The following TSNAX variants were observed in gnomAD, a reference collection of about 807,000 sequenced individuals.
The protein encoded by TSNAX is translin associated factor X.
TSNAX carries 12 observed loss-of-function variants against 33.0 expected under a neutral mutation model. The observed-to-expected ratio is 0.36, with a 90% CI of 0.23 to 0.59. The LOEUF (loss-of-function observed/expected upper bound fraction) is 0.59, where lower values mean the gene tolerates loss of function less well. TSNAX is among the 20% of genes least tolerant of loss of function. TSNAX has a pLI of 0.74. For missense variants in TSNAX, 267 were observed against 341.3 expected, an observed-to-expected ratio of 0.78 and a Z score of 1.72; for synonymous variants, 110 against 117.2, an observed-to-expected ratio of 0.94 and a Z score of 0.40.
intron 4 of TSNAX, among the ~76,000 whole-genome samples, chr1:231,546,959 A>C (rs1659956796): frequency 6.6e-6 from 1 of 152,206 alleles, no homozygotes; most frequent in Non-Finnish European, 1.5e-5. Flanking sequence ...TTTGTTGGCT[A>C]GTCACATGGC....
intron 2 of TSNAX, among the ~76,000 whole-genome samples, chr1:231,531,931 C>G (rs1005554075): frequency 6.6e-6 from 1 of 151,812 alleles, no homozygotes; most frequent in Non-Finnish European, 1.5e-5. Context: ...TGACAGCATG[C>G]GCCTGTAGTA....
chr1:231,541,878 C>A (rs1457496165), intron 3 of TSNAX, among the ~76,000 whole-genome samples: 1 of 152,164 alleles, frequency 6.6e-6, no homozygotes, highest in Non-Finnish European at 1.5e-5. Context: ...TTCTATAAAT[C>A]TCTGAAGCTC....
chr1:231,542,170 G>A (rs149966791), intron 3 of TSNAX, among the ~76,000 whole-genome samples: 60 of 152,206 alleles, frequency 3.9e-4, no homozygotes, highest in African/African-American at 1.3e-3. Context: ...CTTTTTAGTT[G>A]TTTAAGGAGG....
rs1165149499 is a variant in TSNAX, at chr1:231,548,556, G to A, written c.367+5945G>A. 2.6e-5 allele frequency among the ~76,000 whole-genome samples: 4 copies of A among 152,222 alleles called. No homozygotes were observed. In the East Asian group the frequency reaches 7.7e-4, roughly 29 times the overall value. ...TAGCAGTGGGAATAGAGAGGAATGG[G>A]CATGTTTTTAGAAGACAGTTTATTT... On this transcript the variant is annotated intron_variant, in intron 4 of 5. Transcript: ENST00000366639.
chr1:231,561,213 A>T lies in TSNAX; in HGVS notation c.453A>T (p.Gln151His). ...SLISMDEINK[Q>H]LIFTTEDNGK... The stretch of plus-strand genomic sequence containing the variant: ...TTAGTATGGATGAAATTAATAAACA[A>T]TTGATATTTACGACTGAAGACAATG... Residue 151 changes from glutamine (Q) to histidine (H), a missense_variant, in exon 5 of 6, where the codon CAA becomes CAT. Physicochemically the swap from Gln to His is conservative, Grantham distance 24. This residue lies in a region of TSNAX where 200 missense variants were observed against 214.1 expected (regional missense o/e 0.93). Transcript: ENST00000366639. The T allele has an allele frequency of 1.3e-6, 2 of 1,584,802 alleles. No homozygotes were observed. Among genetic ancestry groups the T allele is most frequent in the Non-Finnish European group, 1.7e-6 (2 of 1,157,454 alleles).
intron 2 of TSNAX, among the ~76,000 whole-genome samples, chr1:231,532,885 C>T (rs1035972486): frequency 6.6e-6 from 1 of 152,132 alleles, no homozygotes; most frequent in Non-Finnish European, 1.5e-5. Flanking sequence ...TGCTTTCTTA[C>T]ATATAGAGAC....
At chr1:231,531,931 C>T (rs1005554075) in intron 2 of TSNAX, among the ~76,000 whole-genome samples, 10 of 151,812 alleles carry the variant, frequency 6.6e-5, no homozygotes, top group Non-Finnish European at 1.5e-4. Flanking sequence ...TGACAGCATG[C>T]GCCTGTAGTA....
chr1:231,542,715 T>C, intron 4 of TSNAX, 104 bp downstream of exon 4: 1 of 1,326,256 alleles, frequency 7.5e-7, no homozygotes, highest in Admixed American at 2.4e-5. Context: ...GAAATAATAA[T>C]ACTGGCTTTT....
At chr1:231,549,982 A>T (rs1660192988) in intron 4 of TSNAX, among the ~76,000 whole-genome samples, 1 of 152,180 alleles carries the variant, frequency 6.6e-6, no homozygotes, top group African/African-American at 2.4e-5. Context: ...TGACATGCAG[A>T]TGGCTATCTT....
chr1:231,540,459 AGAC>A (rs1158979819), intron 3 of TSNAX, among the ~76,000 whole-genome samples: 1 of 152,220 alleles, frequency 6.6e-6, no homozygotes, highest in Non-Finnish European at 1.5e-5. Flanking sequence ...GGAGTTTTCC[AGAC>A]GACTTTCTGA....
intron 2 of TSNAX, among the ~76,000 whole-genome samples, chr1:231,532,157 C>CACACACACACACACACACACAT (rs1658780107): frequency 5.6e-5 from 5 of 88,540 alleles, no homozygotes; most frequent in African/African-American, 1.9e-4. Context: ...CACACACACA[C>CACACACACACACACACACACAT]ACACACACAC....
At chr1:231,561,495 A>G (rs1051602628) in intron 5 of TSNAX, among the ~76,000 whole-genome samples, 9 of 152,322 alleles carry the variant, frequency 5.9e-5, no homozygotes, top group Non-Finnish European at 1.3e-4. Flanking sequence ...TGGAGTGCTT[A>G]CTGTAAGTCC....
chr1:231,557,092 C>T (rs1660743766), intron 4 of TSNAX, among the ~76,000 whole-genome samples: 1 of 151,970 alleles, frequency 6.6e-6, no homozygotes, highest in Non-Finnish European at 1.5e-5. Context: ...CTTGAGAGAA[C>T]CAGGTTTGGA....
intron 4 of TSNAX, among the ~76,000 whole-genome samples, chr1:231,549,867 C>T (rs960030832): frequency 1.1e-4 from 17 of 152,184 alleles, no homozygotes; most frequent in Non-Finnish European, 1.8e-4. Context: ...TAAAATACCA[C>T]AGACTGGGTG....
intron 3 of TSNAX, among the ~76,000 whole-genome samples, chr1:231,540,882 C>T (rs951974993): frequency 2.0e-5 from 3 of 152,160 alleles, no homozygotes; most frequent in African/African-American, 7.2e-5. Context: ...GATGGTATCC[C>T]TGGATATAGG....
Position 231,561,142 on chromosome 1 carries a change from G to T in TSNAX, c.382G>T (p.Val128Leu). The change falls in exon 5 of 6, where the codon GTG becomes TTG. Residue 128 changes from valine to leucine, a missense_variant. Coordinates refer to ENST00000366639, the MANE Select transcript of TSNAX (RefSeq NM_005999.3). ...RAITTGLQEY[V>L]EAVSFQHFIK... ...CACGCTTTCAGGACTACAGGAATAT[G>T]TGGAAGCTGTCTCTTTTCAACACTT... 6.2e-7 allele frequency: 1 copy of T among 1,610,476 alleles called. No individual in the cohort carries two copies.
intron 4 of TSNAX, among the ~76,000 whole-genome samples, chr1:231,548,072 A>G (rs1244635744): frequency 2.0e-5 from 3 of 151,874 alleles, no homozygotes; most frequent in Admixed American, 6.6e-5. Context: ...GATCTCCGTG[A>G]TCCGCCCGCC....
chr1:231,548,912 C>A (rs1006373023), intron 4 of TSNAX, among the ~76,000 whole-genome samples: 3 of 152,148 alleles, frequency 2.0e-5, no homozygotes, highest in African/African-American at 7.2e-5. Context: ...AAAGGAAATA[C>A]AATATAATAT....
At position 231,537,851 on chromosome 1, in the gene TSNAX, T is replaced by C. The variant is rs78653451; in HGVS notation, c.236+524T>C. ...AAGATTATTCATTAAGATATAGCTA[T>C]TGTCTGTGAAAATATATGATATATT... On this transcript the variant is annotated intron_variant, in intron 3 of 5. Coordinates refer to ENST00000366639, the MANE Select transcript of TSNAX (RefSeq NM_005999.3). Among the ~76,000 whole-genome samples, 378 of 152,242 alleles carry C rather than the reference T, an allele frequency of 2.5e-3. 1 individual carries two copies. The highest frequency in any genetic ancestry group is 4.3e-3 in the Non-Finnish European group (290 of 68,010).
Sources: allele counts gnomAD v4.1 joint callset (sites outside exome capture counted in the v4.1 genomes callset), GRCh38; gene constraint gnomAD v4.1.1; regional missense constraint gnomAD v4.1.1; transcripts MANE v1.5; gene names NCBI Gene and HGNC (gene_info 2026-07-23, HGNC 2026-07-21).